CAPN5: variants seen among roughly 807,000 people sequenced by gnomAD.
The protein encoded by CAPN5 is calpain-5.
A neutral mutation model predicts 73.0 loss-of-function variants in CAPN5; 54 were observed. That is an observed-to-expected ratio of 0.74 (90% CI 0.59 to 0.93). CAPN5 has a LOEUF of 0.93. Among genes scored for constraint, CAPN5 ranks in the 40% least tolerant of loss-of-function variants. The pLI, the probability that CAPN5 is intolerant of heterozygous loss-of-function variation, is 0.00. For synonymous variants in CAPN5, 335 were observed against 356.9 expected, an observed-to-expected ratio of 0.94 and a Z score of 0.69; for missense variants, 785 against 882.9, an observed-to-expected ratio of 0.89 and a Z score of 1.41.
chr11:77,078,057 T>A (rs1949991596), intron 1 of CAPN5, among the ~76,000 whole-genome samples: 1 of 152,208 alleles, frequency 6.6e-6, no homozygotes, highest in Admixed American at 6.5e-5. Flanking sequence ...GTGCAGAAAC[T>A]TTTTTAGCTT....
At chr11:77,073,145 G>T in intron 1 of CAPN5, 1 of 1,286,008 alleles carries the variant, frequency 7.8e-7, no homozygotes, top group Non-Finnish European at 1.0e-6. Flanking sequence ...GAGGTAGGGT[G>T]GCCACCGCAC....
intron 3 of CAPN5, among the ~76,000 whole-genome samples, chr11:77,095,402 C>G (rs1794086866): frequency 6.6e-6 from 1 of 152,170 alleles, no homozygotes; most frequent in African/African-American, 2.4e-5. Context: ...GGCTGCCCCC[C>G]ACCTCCCACT....
Position 77,069,894 on chromosome 11 carries a change from C to T in CAPN5, c.-36+2800C>T, listed in dbSNP as rs552096843. ...TGCTGCCCACCTCTGAGCCCTCCTC[C>T]AGGCTGGTGGAGACACCCTGGGATT... is the stretch of plus-strand genomic sequence containing the variant. On this transcript the variant is annotated intron_variant, in intron 1 of 12. Transcript: ENST00000648180. Among the ~76,000 whole-genome samples the T allele has an allele frequency of 7.2e-5, 11 of 152,282 alleles. No homozygotes were observed. The South Asian group carries it at 1.0e-3, about 14-fold the overall frequency.
At chr11:77,084,315 A>ATTGC (rs1950058628) in intron 1 of CAPN5, among the ~76,000 whole-genome samples, 9 of 152,210 alleles carry the variant, frequency 5.9e-5, no homozygotes, top group Admixed American at 5.9e-4. Flanking sequence ...AGAGACGCCT[A>ATTGC]TTCCCAAGAT....
chr11:77,084,241 C>T (rs894986324), intron 1 of CAPN5, among the ~76,000 whole-genome samples: 3 of 152,176 alleles, frequency 2.0e-5, no homozygotes, highest in African/African-American at 7.2e-5. Flanking sequence ...TTGGCTGGGC[C>T]CACCTGGGCC....
At chr11:77,073,572 C>T (rs543787127) in intron 1 of CAPN5, among the ~76,000 whole-genome samples, 6 of 152,280 alleles carry the variant, frequency 3.9e-5, no homozygotes, top group African/African-American at 1.4e-4. Context: ...CAGGGGACAT[C>T]ACGGCTGCAG....
intron 1 of CAPN5, among the ~76,000 whole-genome samples, chr11:77,084,100 A>G (rs1036685923): frequency 3.4e-4 from 51 of 152,080 alleles, no homozygotes; most frequent in Admixed American, 1.9e-3. Flanking sequence ...AGCGCACCTG[A>G]TATGCAGGCC....
rs1488470230 is a variant in CAPN5, at chr11:77,125,615, T to C, written c.*1745T>C. 1 of 68,954 alleles carries C rather than the reference T, an allele frequency of 1.5e-5. No homozygotes were observed. The highest frequency in any genetic ancestry group is 2.3e-5 in the Non-Finnish European group (1 of 43,122). The allele number at this position is 68,954 out of a possible 1,614,324, so 4.3% of individuals were successfully genotyped here. The stretch of plus-strand genomic sequence containing the variant: ...TATGTATCTCTGTATGCACACGCAC[T>C]ATATATATATATATATATATATATA... On this transcript the variant is annotated 3_prime_UTR_variant, in exon 13 of 13. Transcript: ENST00000648180.
At chr11:77,087,500 C>T (rs1356786228) in intron 2 of CAPN5, among the ~76,000 whole-genome samples, 2 of 151,894 alleles carry the variant, frequency 1.3e-5, no homozygotes, top group East Asian at 3.9e-4. Context: ...AGGGTCTCCT[C>T]AGCCAGCCTC....
intron 1 of CAPN5, among the ~76,000 whole-genome samples, chr11:77,069,643 C>G (rs1159915650): frequency 6.6e-6 from 1 of 152,094 alleles, no homozygotes; most frequent in Non-Finnish European, 1.5e-5. Context: ...TCTGCAACAC[C>G]CCCCACCCCT....
chr11:77,076,355 A>G (rs1198669222), intron 1 of CAPN5, among the ~76,000 whole-genome samples: 1 of 152,260 alleles, frequency 6.6e-6, no homozygotes, highest in Non-Finnish European at 1.5e-5. Context: ...ACTCCAAAAA[A>G]AGAAAAGTCT....
At chr11:77,119,287 G>A in intron 9 of CAPN5, 135 bp downstream of exon 9, 2 of 1,011,410 alleles carry the variant, frequency 2.0e-6, no homozygotes, top group Non-Finnish European at 1.4e-6. Context: ...CAGACATTGT[G>A]AGGATGCCGT....
intron 3 of CAPN5, among the ~76,000 whole-genome samples, chr11:77,105,437 G>A (rs193089662): frequency 7.8e-4 from 119 of 152,290 alleles, no homozygotes; most frequent in African/African-American, 2.8e-3. Flanking sequence ...TGGGTGTGCA[G>A]AGAGCTGTGC....
chr11:77,095,375 A>AGT (rs1950197322), intron 3 of CAPN5, among the ~76,000 whole-genome samples: 3 of 152,248 alleles, frequency 2.0e-5, no homozygotes, highest in Admixed American at 1.3e-4. Flanking sequence ...CTGAAGGGGC[A>AGT]CATGGGCATT....
In CAPN5 at chr11:77,118,269, G is replaced by A. The variant is rs782466794; in HGVS notation, c.1084G>A (p.Ala362Thr). The change falls in exon 8 of 13, where the codon GCC becomes ACC. Residue 362 changes from alanine to threonine, a missense_variant. Coordinates refer to ENST00000648180, the MANE Select transcript of CAPN5 (RefSeq NM_004055.5). ...GTGGGAGGAGGCCCGGCTGCATGGC[G>A]CCTGGACGCTGCATGAGGACCCGCG... Reference protein sequence around the residue: ...KTWEEARLHGAWTLHEDPRQN... With the variant: ...KTWEEARLHGTWTLHEDPRQN... 9.9e-6 allele frequency: 16 copies of A among 1,613,878 alleles called. No individual in the cohort carries two copies. The highest frequency in any genetic ancestry group is 3.3e-4 in the Middle Eastern group (2 of 6,084).
chr11:77,120,288 T>A (rs1555042528), intron 9 of CAPN5: 1 of 154,660 alleles, frequency 6.5e-6, no homozygotes, highest in Non-Finnish European at 1.4e-5. Context: ...CTTCAAGTGT[T>A]CCTCCCACCT....
intron 1 of CAPN5, among the ~76,000 whole-genome samples, chr11:77,070,196 C>A (rs368838144): frequency 6.6e-6 from 1 of 152,156 alleles, no homozygotes; most frequent in Non-Finnish European, 1.5e-5. Context: ...GCTGAGGCTG[C>A]GGTGGCCTGT....
chr11:77,096,920 G>A (rs1289411620), intron 3 of CAPN5, among the ~76,000 whole-genome samples: 2 of 152,186 alleles, frequency 1.3e-5, no homozygotes, highest in Non-Finnish European at 2.9e-5. Flanking sequence ...GCCAGTGGAG[G>A]CATTTAAAAA....
At chr11:77,075,777 A>G (rs2135410389) in intron 1 of CAPN5, among the ~76,000 whole-genome samples, 2 of 152,128 alleles carry the variant, frequency 1.3e-5, no homozygotes. Flanking sequence ...GACCACACCC[A>G]TGGAACCACC....
Sources: gnomAD v4.1 joint callset for allele counts (sites outside exome capture counted in the v4.1 genomes callset) on GRCh38, gnomAD v4.1.1 for gene constraint, MANE v1.5 for transcripts, NCBI Gene and HGNC (gene_info 2026-07-23, HGNC 2026-07-21) for gene names.